Variants in SHTN1 observed in about 807,000 individuals in gnomAD.
SHTN1 encodes the protein shootin-1.
Under a neutral mutation model 83.1 loss-of-function variants are expected in SHTN1, and 42 were observed. That is an observed-to-expected ratio of 0.51 (90% CI 0.39 to 0.65). The LOEUF is 0.65. Among genes scored for constraint, SHTN1 ranks in the 30% least tolerant of loss-of-function variants. The pLI, the probability that SHTN1 is intolerant of heterozygous loss-of-function variation, is 0.00. For synonymous variants in SHTN1, 224 were observed against 247.7 expected, an observed-to-expected ratio of 0.90 and a Z score of 0.90; for missense variants, 622 against 737.8, an observed-to-expected ratio of 0.84 and a Z score of 1.82.
intron 6 of SHTN1, among the ~76,000 whole-genome samples, chr10:116,951,032 T>C (rs762920527): frequency 1.8e-4 from 27 of 152,162 alleles, no homozygotes; most frequent in Admixed American, 3.3e-4. Flanking sequence ...GAACCACTGA[T>C]ACAAATTAAA....
intron 1 of SHTN1, among the ~76,000 whole-genome samples, chr10:117,103,488 C>G (rs1853625917): frequency 6.7e-6 from 1 of 148,172 alleles, no homozygotes; most frequent in Non-Finnish European, 1.5e-5. Context: ...GAGAGCTACT[C>G]TTTCTTTTTC....
intron 2 of SHTN1, among the ~76,000 whole-genome samples, chr10:117,010,768 G>T (rs997895325): frequency 2.6e-5 from 4 of 152,150 alleles, no homozygotes; most frequent in Non-Finnish European, 5.9e-5. Flanking sequence ...ATGCAAAAGT[G>T]GTTCAACATA....
intron 1 of SHTN1, among the ~76,000 whole-genome samples, chr10:116,987,225 C>A (rs914821907): frequency 6.6e-6 from 1 of 152,016 alleles, no homozygotes; most frequent in Non-Finnish European, 1.5e-5. Flanking sequence ...GAGAAGAACT[C>A]GTAAAGGTCA....
intron 1 of SHTN1, among the ~76,000 whole-genome samples, chr10:117,107,149 AG>A (rs547004844): frequency 8.5e-4 from 130 of 152,328 alleles, no homozygotes; most frequent in Non-Finnish European, 3.1e-4. Context: ...TGCCTGGTAG[AG>A]TGCCAAACTC....
chr10:117,033,561 C>T (rs1852451431), intron 2 of SHTN1, among the ~76,000 whole-genome samples: 1 of 152,078 alleles, frequency 6.6e-6, no homozygotes, highest in Non-Finnish European at 1.5e-5. Flanking sequence ...TAAAGAAAAC[C>T]TGGGACCTGT....
At chr10:117,047,852 A>G (rs1852688509) in intron 2 of SHTN1, among the ~76,000 whole-genome samples, 1 of 150,544 alleles carries the variant, frequency 6.6e-6, no homozygotes, top group African/African-American at 2.4e-5. Flanking sequence ...CTGGACCTCA[A>G]ATGATCCACC....
At chr10:117,033,252 T>A (rs2133574144) in intron 2 of SHTN1, among the ~76,000 whole-genome samples, 1 of 152,166 alleles carries the variant, frequency 6.6e-6, no homozygotes, top group Admixed American at 6.6e-5. Flanking sequence ...ACAAAAAGTT[T>A]TTTTTTAAAC....
At chr10:117,063,238 G>A (rs1027669786) in intron 1 of SHTN1, among the ~76,000 whole-genome samples, 12 of 152,122 alleles carry the variant, frequency 7.9e-5, no homozygotes, top group African/African-American at 2.9e-4. Context: ...TTACTAACAG[G>A]AAGCATTGGC....
intron 12 of SHTN1, among the ~76,000 whole-genome samples, chr10:116,917,479 T>A (rs1367988825): frequency 6.6e-6 from 1 of 152,154 alleles, no homozygotes; most frequent in Non-Finnish European, 1.5e-5. Flanking sequence ...AATTTTTGTA[T>A]TTTTAGTAGA....
intron 4 of SHTN1, among the ~76,000 whole-genome samples, chr10:116,956,330 C>T (rs1252174972): frequency 6.6e-6 from 1 of 152,188 alleles, no homozygotes; most frequent in Non-Finnish European, 1.5e-5. Flanking sequence ...GTATACAACC[C>T]AGCTCTGCAA....
intron 1 of SHTN1, among the ~76,000 whole-genome samples, chr10:116,994,425 G>A (rs1851554910): frequency 6.6e-6 from 1 of 151,916 alleles, no homozygotes; most frequent in Non-Finnish European, 1.5e-5. Context: ...ACTAAAATTT[G>A]GTCTTTTTTA....
chr10:117,084,675 T>C (rs930226304), intron 1 of SHTN1, among the ~76,000 whole-genome samples: 5 of 151,982 alleles, frequency 3.3e-5, no homozygotes, highest in Non-Finnish European at 7.4e-5. Context: ...ACTGCTGTGC[T>C]AGCAATCAGC....
rs1850488426 is a variant in SHTN1 at position 116,968,689 on chromosome 10, T to G, written c.135A>C (p.Arg45=). The change falls in exon 3 of 17, where the codon CGA becomes CGC. Residue 45 remains arginine (R), a synonymous_variant. Coordinates refer to ENST00000355371, the MANE Select transcript of SHTN1 (RefSeq NM_001127211.3). ...CTTCCAGTTTTTTAACGGCTTCATC[T>G]CGTTCTTGCCTAATTTTGTCACACT... The part of the protein sequence containing the change: ...KEKCDKIRQE[R]DEAVKKLEEF... The G allele has an allele frequency of 6.2e-7, 1 of 1,612,318 alleles. No individual in the cohort carries two copies. The highest frequency in any genetic ancestry group is 8.5e-7 in the Non-Finnish European group (1 of 1,178,900).
chr10:116,907,833 C>T (rs1848033609), intron 14 of SHTN1: 1 of 508,934 alleles, frequency 2.0e-6, no homozygotes, highest in Non-Finnish European at 3.9e-6. Context: ...TTTTGTCCAC[C>T]AAGGCTAATA....
intron 3 of SHTN1, among the ~76,000 whole-genome samples, chr10:116,966,146 T>C (rs984978307): frequency 5.3e-5 from 8 of 152,176 alleles, no homozygotes; most frequent in African/African-American, 1.7e-4. Context: ...TAGCTAGGAC[T>C]ACAGGTGCCC....
At chr10:117,051,861 T>C (rs1387859163) in intron 1 of SHTN1, among the ~76,000 whole-genome samples, 1 of 151,432 alleles carries the variant, frequency 6.6e-6, no homozygotes, top group Admixed American at 6.6e-5. Flanking sequence ...GAACAAGACA[T>C]GGATGATAGC....
At chr10:117,124,753 G>A (rs1338248906) in intron 1 of SHTN1, among the ~76,000 whole-genome samples, 6 of 152,214 alleles carry the variant, frequency 3.9e-5, no homozygotes, top group East Asian at 1.9e-4. Flanking sequence ...CAGCCTGGGC[G>A]ATGCAGTGAG....
intron 15 of SHTN1, among the ~76,000 whole-genome samples, chr10:116,902,819 A>G (rs1262335456): frequency 6.6e-6 from 1 of 152,250 alleles, no homozygotes; most frequent in Non-Finnish European, 1.5e-5. Context: ...CAGTAAGAAG[A>G]GCACAAAACT....
At chr10:116,930,407 G>A (rs1012753388) in intron 9 of SHTN1, among the ~76,000 whole-genome samples, 1 of 152,020 alleles carries the variant, frequency 6.6e-6, no homozygotes, top group African/African-American at 2.4e-5. Flanking sequence ...CATCAAGTAA[G>A]CCCCAGTGTC....
Sources: allele counts gnomAD v4.1 joint callset (sites outside exome capture counted in the v4.1 genomes callset), GRCh38; gene constraint gnomAD v4.1.1; transcripts MANE v1.5; gene names NCBI Gene and HGNC (gene_info 2026-07-23, HGNC 2026-07-21).